Variants in LPAR3 observed in about 807,000 individuals in gnomAD.
LPAR3 encodes the protein lysophosphatidic acid receptor 3, also known as LPA receptor 3.
Under a neutral mutation model 17.8 loss-of-function variants are expected in LPAR3, and 7 were observed. The ratio of observed to expected loss-of-function variants is 0.39; its 90% CI spans 0.22 to 0.74. The LOEUF is 0.74. Ranked by LOEUF, LPAR3 falls within the 30% of genes least tolerant of loss-of-function variation. The pLI is 0.40. For synonymous variants in LPAR3, 179 were observed against 179.9 expected, an observed-to-expected ratio of 0.99 and a Z score of 0.04; for missense variants, 391 against 453.4, an observed-to-expected ratio of 0.86 and a Z score of 1.25.
intron 2 of LPAR3, among the ~76,000 whole-genome samples, chr1:84,840,501 C>A (rs1355523687): frequency 6.6e-6 from 1 of 152,158 alleles, no homozygotes; most frequent in Admixed American, 6.5e-5. Context: ...TGGCTCCTTG[C>A]AAACCCTGAA....
At chr1:84,886,976 G>GTATTCCTTATGTATT (rs1283262079) in intron 1 of LPAR3, among the ~76,000 whole-genome samples, 1 of 152,258 alleles carries the variant, frequency 6.6e-6, no homozygotes, top group South Asian at 2.1e-4. Context: ...AGGAATCCAT[G>GTATTCCTTATGTATT]AACAGTTCTT....
At chr1:84,840,354 G>A (rs1342805658) in intron 2 of LPAR3, among the ~76,000 whole-genome samples, 1 of 152,206 alleles carries the variant, frequency 6.6e-6, no homozygotes, top group Non-Finnish European at 1.5e-5. Flanking sequence ...TGTCAAATAT[G>A]TGCTGGTCCT....
intron 1 of LPAR3, among the ~76,000 whole-genome samples, chr1:84,873,154 C>T (rs750804478): frequency 2.5e-4 from 38 of 152,186 alleles, no homozygotes; most frequent in Admixed American, 3.9e-4. Context: ...GGTGGGATCC[C>T]GGAACACCGA....
At chr1:84,833,669 A>G (rs1258311308) in intron 2 of LPAR3, among the ~76,000 whole-genome samples, 2 of 152,220 alleles carry the variant, frequency 1.3e-5, no homozygotes, top group African/African-American at 2.4e-5. Context: ...CCTTATAGGT[A>G]ACCTTAGGCA....
intron 2 of LPAR3, among the ~76,000 whole-genome samples, chr1:84,831,314 T>G (rs1171893368): frequency 6.6e-6 from 1 of 152,086 alleles, no homozygotes; most frequent in African/African-American, 2.4e-5. Context: ...TAAGCTGGCC[T>G]GGTGCAGTGG....
At chr1:84,856,824 C>T (rs1205635271) in intron 2 of LPAR3, among the ~76,000 whole-genome samples, 1 of 152,172 alleles carries the variant, frequency 6.6e-6, no homozygotes, top group Non-Finnish European at 1.5e-5. Flanking sequence ...CAAGCTAATG[C>T]TTTGTGGCCA....
intron 2 of LPAR3, among the ~76,000 whole-genome samples, chr1:84,828,853 T>C (rs947289560): frequency 1.3e-5 from 2 of 152,216 alleles, no homozygotes; most frequent in African/African-American, 2.4e-5. Flanking sequence ...ATTGATTCCA[T>C]TGTTCAGATT....
intron 1 of LPAR3, among the ~76,000 whole-genome samples, chr1:84,876,640 G>T (rs1307100595): frequency 3.3e-5 from 5 of 152,060 alleles, no homozygotes; most frequent in African/African-American, 7.2e-5. Context: ...CTCTGTAAAT[G>T]GTATCCCCTC....
chr1:84,856,236 C>G (rs1440316141), intron 2 of LPAR3, among the ~76,000 whole-genome samples: 1 of 152,178 alleles, frequency 6.6e-6, no homozygotes, highest in Non-Finnish European at 1.5e-5. Context: ...TACGAACACC[C>G]CCGGACTCAA....
At chr1:84,886,925 A>G (rs1421637660) in intron 1 of LPAR3, among the ~76,000 whole-genome samples, 1 of 152,230 alleles carries the variant, frequency 6.6e-6, no homozygotes, top group African/African-American at 2.4e-5. Flanking sequence ...TGAGCATTAA[A>G]ATAAAAAACA....
At chr1:84,879,532 T>C (rs545697716) in intron 1 of LPAR3, among the ~76,000 whole-genome samples, 252 of 152,190 alleles carry the variant, frequency 1.7e-3, no homozygotes, top group African/African-American at 5.6e-3. Flanking sequence ...AGGATGGTCT[T>C]AATCTCCTGG....
chr1:84,822,026 G>A lies in LPAR3; in HGVS notation c.737-7855C>T. On this transcript the variant is annotated intron_variant, in intron 2 of 2. Coordinates refer to ENST00000370611, the MANE Select transcript of LPAR3 (RefSeq NM_012152.3). ...GAGCTCCAAATTGAAATGCTGATTT[G>A]GGAGTCATCAGCAGTAGGTGGTAAC... Among the ~76,000 whole-genome samples, 2 of 152,136 alleles carry A rather than the reference G, an allele frequency of 1.3e-5. 1 individual carries two copies. Among genetic ancestry groups the A allele is most frequent in the African/African-American group, 4.8e-5 (2 of 41,434 alleles).
intron 1 of LPAR3, among the ~76,000 whole-genome samples, chr1:84,892,548 C>G (rs916949272): frequency 1.4e-4 from 21 of 152,202 alleles, no homozygotes; most frequent in African/African-American, 5.1e-4. Flanking sequence ...TCAAGCTGTT[C>G]CCCAGCGGAC....
intron 2 of LPAR3, among the ~76,000 whole-genome samples, chr1:84,836,872 T>C (rs1447261632): frequency 6.6e-6 from 1 of 152,188 alleles, no homozygotes; most frequent in Non-Finnish European, 1.5e-5. Context: ...AATGGATACA[T>C]TGAATTGTAC....
chr1:84,866,130 G>C lies in LPAR3; in HGVS notation c.-10C>G, dbSNP rs1284287151. ...AGTGACACTCATTCATTGTGGAGAAGTGAACATCCTAGAAAGAAATTTAAA... is the reference window on the plus strand; with the variant it reads ...AGTGACACTCATTCATTGTGGAGAACTGAACATCCTAGAAAGAAATTTAAA... On this transcript the variant is annotated 5_prime_UTR_variant, in exon 2 of 3. Transcript: ENST00000370611. 6.4e-7 allele frequency: 1 copy of C among 1,560,856 alleles called. No homozygotes were observed. The highest frequency in any genetic ancestry group is 8.6e-7 in the Non-Finnish European group (1 of 1,158,098).
chr1:84,888,409 A>G lies in LPAR3; in HGVS notation c.-19+4607T>C, dbSNP rs150978003. ...TAAATGATTCACTGATGTGCTCCCAATAAATTCTATACTTGATCCCTTGCT... is the reference window on the plus strand; with the variant it reads ...TAAATGATTCACTGATGTGCTCCCAGTAAATTCTATACTTGATCCCTTGCT... On this transcript the variant is annotated intron_variant, in intron 1 of 2. Transcript: ENST00000370611. Among the ~76,000 whole-genome samples the G allele has an allele frequency of 7.1e-3, 1,083 of 152,310 alleles. 9 individuals are homozygous for G. Among genetic ancestry groups the G allele is most frequent in the African/African-American group, 0.025 (1,040 of 41,550 alleles).
At chr1:84,891,349 C>T (rs564680690) in intron 1 of LPAR3, among the ~76,000 whole-genome samples, 6 of 152,316 alleles carry the variant, frequency 3.9e-5, no homozygotes, top group Admixed American at 2.0e-4. Flanking sequence ...AATAGTTAGA[C>T]GTCCAGATCT....
intron 2 of LPAR3, among the ~76,000 whole-genome samples, chr1:84,862,873 C>T (rs1659965875): frequency 6.6e-6 from 1 of 152,222 alleles, no homozygotes; most frequent in South Asian, 2.1e-4. Flanking sequence ...CTCTGCCTTA[C>T]AAGACAAGTT....
chr1:84,892,795 G>A (rs1024453695), intron 1 of LPAR3, among the ~76,000 whole-genome samples: 3 of 152,230 alleles, frequency 2.0e-5, no homozygotes, highest in African/African-American at 7.2e-5. Context: ...TGCTCCTAGC[G>A]GGGAAAAAGG....
Sources: gnomAD v4.1 joint callset for allele counts (sites outside exome capture counted in the v4.1 genomes callset) on GRCh38, gnomAD v4.1.1 for gene constraint, MANE v1.5 for transcripts, NCBI Gene and HGNC (gene_info 2026-07-23, HGNC 2026-07-21) for gene names.